Variants in ANKFY1 observed in about 807,000 individuals in gnomAD.
ANKFY1 encodes ankyrin repeat and FYVE domain containing 1.
ANKFY1 carries 47 observed loss-of-function variants against 128.3 expected under a neutral mutation model. The ratio of observed to expected loss-of-function variants is 0.37; its 90% CI spans 0.29 to 0.47. The LOEUF (loss-of-function observed/expected upper bound fraction) is 0.47. Ranked by LOEUF, ANKFY1 falls within the 20% of genes least tolerant of loss-of-function variation. ANKFY1 has a pLI of 1.00. For synonymous variants in ANKFY1, 553 were observed against 601.6 expected (o/e 0.92, Z 1.18); for missense variants, 1,222 against 1,510.6 (o/e 0.81, Z 3.17).
intron 10 of ANKFY1, among the ~76,000 whole-genome samples, chr17:4,190,206 C>T (rs749466697): frequency 5.3e-5 from 8 of 151,956 alleles, no homozygotes; most frequent in Admixed American, 1.3e-4. Context: ...TTTTGGAGGC[C>T]GAGGCAGGCG....
chr17:4,217,971 G>A (rs908924446), intron 3 of ANKFY1, among the ~76,000 whole-genome samples: 4 of 152,078 alleles, frequency 2.6e-5, no homozygotes, highest in African/African-American at 7.2e-5. Flanking sequence ...GGCGTGAGCC[G>A]CTTCACCCAG....
intron 4 of ANKFY1, among the ~76,000 whole-genome samples, chr17:4,211,515 C>T (rs1180405565): frequency 3.3e-5 from 5 of 151,990 alleles, no homozygotes; most frequent in Admixed American, 2.0e-4. Context: ...AAACTGGCTA[C>T]AATGGATGTC....
At position 4,170,803 on chromosome 17, in the gene ANKFY1, C is replaced by T. The variant is rs186434827; in HGVS notation, c.3198G>A (p.Ser1066=). 2.9e-5 allele frequency: 47 copies of T among 1,614,118 alleles called. No homozygotes were observed. Among genetic ancestry groups the T allele is most frequent in the Admixed American group, 2.2e-4 (13 of 60,012 alleles). Residue 1066 remains serine (S), a synonymous_variant, in exon 23 of 25, where the codon TCG becomes TCA. Coordinates refer to ENST00000341657, the MANE Select transcript of ANKFY1 (RefSeq NM_001330063.2). ...NANLCRAIVR[S]GARLGVNNNQ... is the part of the protein sequence containing the mutation. The stretch of plus-strand genomic sequence containing the variant: ...TGTTATTCACCCCGAGGCGAGCCCC[C>T]GACCGGACGATGGCGCGGCACAAGT...
chr17:4,169,300 G>A lies in ANKFY1; in HGVS notation c.3287-12C>T, dbSNP rs541388974. The A allele has an allele frequency of 1.9e-5, 29 of 1,541,378 alleles. No individual in the cohort carries two copies. The East Asian group carries it at 2.2e-4, about 12-fold the overall frequency. ...CTTGGACAGCATATCTGCAACACAGGGGGGAGGCCCGGTCCCGTCAAACCG... is the reference window on the plus strand; with the variant it reads ...CTTGGACAGCATATCTGCAACACAGAGGGGAGGCCCGGTCCCGTCAAACCG... On this transcript the variant is annotated splice_polypyrimidine_tract_variant and intron_variant, in intron 23 of 24. Transcript: ENST00000341657. This position sits in a 1 kb window ranked among gnomAD's most constrained non-coding sequence, Gnocchi z 5.0.
chr17:4,230,776 A>G, intron 3 of ANKFY1, among the ~76,000 whole-genome samples: 1 of 152,232 alleles, frequency 6.6e-6, no homozygotes, highest in Non-Finnish European at 1.5e-5. Context: ...GTAAGAAATA[A>G]AAAAGCAAAT....
At chr17:4,207,503 G>A (rs1462629437) in intron 6 of ANKFY1, among the ~76,000 whole-genome samples, 2 of 152,156 alleles carry the variant, frequency 1.3e-5, no homozygotes, top group Non-Finnish European at 2.9e-5. Context: ...TTGAGTCTCT[G>A]GAAAGAAGCA....
rs2053256 is a variant in ANKFY1 at position 4,205,353 on chromosome 17, A to C, written c.898+968T>G. On this transcript the variant is annotated intron_variant, in intron 7 of 24. Transcript: ENST00000341657. ...GACCATTGCAAAGCAAAATCAGCCC[A>C]GATCCATTTGGGACTCATGAATTAG... Among the ~76,000 whole-genome samples the C allele has an allele frequency of 2.6e-5, 4 of 152,066 alleles. No homozygotes were observed. The South Asian group carries it at 8.3e-4, about 31-fold the overall frequency.
chr17:4,223,773 T>C lies in ANKFY1; in HGVS notation c.323-6655A>G, dbSNP rs2060370086. ...TTAGATCCGGGGGAGAGGCCCAAGT[T>C]TCAGCAGCTGGTACAGTGTCTCACA... On this transcript the variant is annotated intron_variant, in intron 3 of 24. Coordinates refer to ENST00000341657, the MANE Select transcript of ANKFY1 (RefSeq NM_001330063.2). The C allele has an allele frequency of 4.5e-6, 7 of 1,549,080 alleles. No individual in the cohort carries two copies. The South Asian group carries it at 7.9e-5, about 17-fold the overall frequency.
intron 1 of ANKFY1, among the ~76,000 whole-genome samples, chr17:4,260,859 A>C (rs927538673): frequency 1.3e-5 from 2 of 152,164 alleles, no homozygotes; most frequent in African/African-American, 4.8e-5. Context: ...ACTATCTCCC[A>C]CATTCTCACA....
At chr17:4,188,736 C>G (rs1038305509) in intron 11 of ANKFY1, 3 of 152,118 alleles carry the variant, frequency 2.0e-5, no homozygotes, top group Non-Finnish European at 4.4e-5. Flanking sequence ...CGTGGTGGTG[C>G]ATCCCTGCAA....
At chr17:4,194,710 AG>A in intron 10 of ANKFY1, 1 of 451,190 alleles carries the variant, frequency 2.2e-6, no homozygotes. Flanking sequence ...AGACGGTCAA[AG>A]GAATTCTTGA....
rs80021853 is a variant in ANKFY1, at chr17:4,213,549, C to T, written c.458+3434G>A. Among the ~76,000 whole-genome samples, 803 of 149,650 alleles carry T rather than the reference C, an allele frequency of 5.4e-3. 8 individuals carry two copies. The highest frequency in any genetic ancestry group is 0.019 in the African/African-American group (770 of 40,876). On this transcript the variant is annotated intron_variant, in intron 4 of 24. Transcript: ENST00000341657. Reference sequence around the variant, plus strand: ...AAACAAGAATGTAAGTTACATACAACAGCATTATATTTATTTCTTTTTTTT... The same window carrying T: ...AAACAAGAATGTAAGTTACATACAATAGCATTATATTTATTTCTTTTTTTT...
At position 4,242,317 on chromosome 17, in the gene ANKFY1, C is replaced by A. The variant is rs779067805; in HGVS notation, c.142G>T (p.Glu48Ter). 3 of 1,595,988 alleles carry A rather than the reference C, an allele frequency of 1.9e-6. No individual in the cohort carries two copies. The highest frequency in any genetic ancestry group is 1.7e-6 in the Non-Finnish European group (2 of 1,173,546). Reference protein sequence around the residue: ...AAQANKESSSESFISRLLAIV... With the variant: ...AAQANKESSS ...GCCAGCAGACGGCTGATGAAGGACT[C>A]GCTGCTGCTCTCCTTGTTTGCCTGC... is the stretch of plus-strand genomic sequence containing the variant. The change falls in exon 2 of 25, where the codon GAG becomes TAG. Residue 48 changes from glutamate to a stop codon, truncating the protein, a stop_gained. Coordinates refer to ENST00000341657, the MANE Select transcript of ANKFY1 (RefSeq NM_001330063.2). LOFTEE classifies it high-confidence loss of function.
At position 4,262,033 on chromosome 17, in the gene ANKFY1, A is replaced by T. The variant is rs76581676; in HGVS notation, c.10+1899T>A. 2.4e-3 allele frequency among the ~76,000 whole-genome samples: 364 copies of T among 152,354 alleles called. 1 individual carries two copies. Among genetic ancestry groups the T allele is most frequent in the African/African-American group, 8.3e-3 (344 of 41,588 alleles). On this transcript the variant is annotated intron_variant, in intron 1 of 24. Coordinates refer to ENST00000341657, the MANE Select transcript of ANKFY1 (RefSeq NM_001330063.2). Reference sequence around the variant, plus strand: ...ATATGGTAGAAAAAGTAAAGACAAAAACTGGGTGCCTGCCGGGCGCGATGG... The same window carrying T: ...ATATGGTAGAAAAAGTAAAGACAAATACTGGGTGCCTGCCGGGCGCGATGG...
Position 4,166,282 on chromosome 17 carries a change from C to G in ANKFY1, c.*1497G>C, listed in dbSNP as rs2059209081. 1 of 152,288 alleles carries G rather than the reference C, an allele frequency of 6.6e-6. No individual in the cohort carries two copies. Among genetic ancestry groups the G allele is most frequent in the South Asian group, 2.1e-4 (1 of 4,828 alleles). 9.4% of individuals were successfully genotyped at this position (152,288 alleles called of 1,614,324 possible). ...AGAATGAACAAAGAACAGGCTGTTG[C>G]AAAAATATTTAGTCCCTTTACACAT... On this transcript the variant is annotated 3_prime_UTR_variant, in exon 25 of 25. Coordinates refer to ENST00000341657, the MANE Select transcript of ANKFY1 (RefSeq NM_001330063.2).
Position 4,178,720 on chromosome 17 carries a change from A to T in ANKFY1, c.2598+137T>A. 1 of 838,544 alleles carries T rather than the reference A, an allele frequency of 1.2e-6. No homozygotes were observed. Among genetic ancestry groups the T allele is most frequent in the Non-Finnish European group, 1.9e-6 (1 of 525,442 alleles). The allele number at this position is 838,544 out of a possible 1,614,324, so 51.9% of individuals were successfully genotyped here. Reference sequence around the variant, plus strand: ...GCACGGATGGGACATCTCAACAGCCACATCTTAGGACAGGAGTACAACTTC... The same window carrying T: ...GCACGGATGGGACATCTCAACAGCCTCATCTTAGGACAGGAGTACAACTTC... On this transcript the variant is annotated intron_variant, in intron 18 of 24. Transcript: ENST00000341657. The surrounding 1 kb of genome is among the most constrained non-coding windows in gnomAD (Gnocchi z 4.1).
In ANKFY1 at chr17:4,165,653, T is replaced by C. The variant is rs1418348692; in HGVS notation, c.*2126A>G. 6.6e-6 allele frequency: 1 copy of C among 152,254 alleles called. No individual in the cohort carries two copies. Among genetic ancestry groups the C allele is most frequent in the Non-Finnish European group, 1.5e-5 (1 of 68,046 alleles). 9.4% of individuals were successfully genotyped at this position (152,254 alleles called of 1,614,324 possible). A position where few individuals can be genotyped will look rare whatever the true frequency, so the allele number is the denominator to read the frequency against. ...ACTCAATGTTCTCCCAGTCCATAGC[T>C]GGTCAGTACCATTGCTATCCCTGGA... On this transcript the variant is annotated 3_prime_UTR_variant, in exon 25 of 25. Transcript: ENST00000341657.
intron 22 of ANKFY1, among the ~76,000 whole-genome samples, chr17:4,171,601 G>A (rs545228875): frequency 2.2e-4 from 33 of 152,340 alleles, no homozygotes; most frequent in African/African-American, 7.9e-4. Context: ...ACAGGTCTCT[G>A]TAAACCGGGG....
intron 19 of ANKFY1, among the ~76,000 whole-genome samples, chr17:4,174,791 T>C (rs1352548371): frequency 1.3e-5 from 2 of 152,042 alleles, no homozygotes; most frequent in African/African-American, 4.8e-5. Flanking sequence ...GGTACCATCA[T>C]AGCTCACTGC....
Sources: allele counts gnomAD v4.1 joint callset (sites outside exome capture counted in the v4.1 genomes callset), GRCh38; gene constraint gnomAD v4.1.1; non-coding constraint Gnocchi (gnomAD v3.1); transcripts MANE v1.5; gene names NCBI Gene and HGNC (gene_info 2026-07-23, HGNC 2026-07-21).